Variants in TTC6 observed in about 807,000 individuals in gnomAD.
The protein encoded by TTC6 is tetratricopeptide repeat domain 6.
A neutral mutation model predicts 210.4 loss-of-function variants in TTC6; 172 were observed. The observed-to-expected ratio is 0.82, with a 90% CI of 0.72 to 0.93. TTC6 has a LOEUF of 0.93. TTC6 is among the 40% of genes least tolerant of loss of function. The pLI is 0.00. For missense variants in TTC6, 2,414 were observed against 2,318.1 expected (o/e 1.04, Z -0.85); for synonymous variants, 804 against 819.6 (o/e 0.98, Z 0.32).
chr14:37,794,546 T>G (rs953294102), intron 17 of TTC6, among the ~76,000 whole-genome samples: 6 of 150,820 alleles, frequency 4.0e-5, no homozygotes, highest in Non-Finnish European at 7.3e-5. Context: ...CGACCAGTAT[T>G]AAGGGAATAA....
At chr14:37,810,041 G>A (rs900566177) in intron 24 of TTC6, among the ~76,000 whole-genome samples, 1 of 152,196 alleles carries the variant, frequency 6.6e-6, no homozygotes, top group Non-Finnish European at 1.5e-5. Context: ...AAAACATTTA[G>A]TAATTTAGAA....
chr14:37,837,838 C>T (rs1310160543), intron 29 of TTC6, among the ~76,000 whole-genome samples: 2 of 152,158 alleles, frequency 1.3e-5, no homozygotes, highest in Non-Finnish European at 2.9e-5. Flanking sequence ...CCATATCACC[C>T]ATGATGGAAG....
intron 29 of TTC6, among the ~76,000 whole-genome samples, chr14:37,834,256 A>G (rs913089147): frequency 5.6e-5 from 8 of 143,462 alleles, no homozygotes; most frequent in Non-Finnish European, 1.1e-4. Context: ...CTTTTCAGTT[A>G]TTATTTTACT....
At chr14:37,795,232 T>A in intron 17 of TTC6, 38 bp from the exon 20 acceptor site, 1 of 1,388,328 alleles carries the variant, frequency 7.2e-7, no homozygotes, top group Non-Finnish European at 9.8e-7. Flanking sequence ...AAGCAATCGA[T>A]GTTATTAGGA....
intron 14 of TTC6, among the ~76,000 whole-genome samples, chr14:37,777,980 C>T (rs1262448240): frequency 6.6e-6 from 1 of 152,102 alleles, no homozygotes; most frequent in Non-Finnish European, 1.5e-5. Context: ...AGTTGGGAAC[C>T]TGCTGTGCTG....
intron 29 of TTC6, among the ~76,000 whole-genome samples, chr14:37,840,334 T>C (rs1049938968): frequency 4.6e-5 from 7 of 152,256 alleles, no homozygotes; most frequent in African/African-American, 1.7e-4. Context: ...GTGCTGAAAT[T>C]GAGGCAGTAA....
chr14:37,612,495 A>G (rs1365874557), intron 2 of TTC6, among the ~76,000 whole-genome samples: 2 of 152,202 alleles, frequency 1.3e-5, no homozygotes. Context: ...GAATTTATGT[A>G]TACATTTTAG....
chr14:37,623,640 C>T (rs533713227), intron 1 of TTC6, among the ~76,000 whole-genome samples: 2 of 152,248 alleles, frequency 1.3e-5, no homozygotes, highest in South Asian at 4.2e-4. Flanking sequence ...TCCTGTCTGA[C>T]GTGGAGGCCT....
At chr14:37,775,746 T>C (rs991689811) in intron 14 of TTC6, among the ~76,000 whole-genome samples, 2 of 152,174 alleles carry the variant, frequency 1.3e-5, no homozygotes, top group African/African-American at 4.8e-5. Context: ...TATCTTGTGG[T>C]TATCTAAGTC....
intron 2 of TTC6, 39 bp from the exon 5 acceptor site, chr14:37,682,719 A>T (rs542766969): frequency 1.3e-5 from 18 of 1,407,990 alleles, no homozygotes; most frequent in Middle Eastern, 1.8e-4. Flanking sequence ...AAGGACCAAT[A>T]AAAAAAAAGC....
intron 1 of TTC6, among the ~76,000 whole-genome samples, chr14:37,677,558 T>C (rs2095772884): frequency 6.6e-6 from 1 of 152,076 alleles, no homozygotes; most frequent in South Asian, 2.1e-4. Flanking sequence ...GTGTTCTTTG[T>C]GTGTTTCTGC....
intron 26 of TTC6, among the ~76,000 whole-genome samples, chr14:37,818,103 T>C (rs1368067091): frequency 6.6e-6 from 1 of 152,140 alleles, no homozygotes. Context: ...TAATTTTGCA[T>C]TTAAAAACGT....
intron 16 of TTC6, among the ~76,000 whole-genome samples, chr14:37,791,734 G>T (rs1166729429): frequency 6.6e-6 from 1 of 152,128 alleles, no homozygotes; most frequent in Non-Finnish European, 1.5e-5. Flanking sequence ...TGAAATAGAG[G>T]CATCAAACAT....
At chr14:37,694,602 A>T (rs559361331) in intron 3 of TTC6, among the ~76,000 whole-genome samples, 16 of 152,306 alleles carry the variant, frequency 1.1e-4, no homozygotes, top group Admixed American at 3.9e-4. Flanking sequence ...GGAAATCAGT[A>T]TGTCAAAGGG....
intron 17 of TTC6, among the ~76,000 whole-genome samples, chr14:37,793,473 A>G (rs2139348424): frequency 6.6e-6 from 1 of 152,312 alleles, no homozygotes; most frequent in South Asian, 2.1e-4. Flanking sequence ...TCCATTATCT[A>G]CATCTCAGGA....
At chr14:37,646,832 C>T (rs1039242364) in intron 1 of TTC6, among the ~76,000 whole-genome samples, 23 of 152,108 alleles carry the variant, frequency 1.5e-4, no homozygotes, top group Non-Finnish European at 2.8e-4. Context: ...ATAGTTGCTA[C>T]GATTTACACA....
intron 1 of TTC6, among the ~76,000 whole-genome samples, chr14:37,644,994 A>G (rs148452308): frequency 6.6e-6 from 1 of 152,334 alleles, no homozygotes; most frequent in African/African-American, 2.4e-5. Flanking sequence ...ATATAAGACA[A>G]TACATGTTAA....
At chr14:37,701,456 G>A (rs1395484872) in exon 5 of TTC6, 6 of 1,527,238 alleles carry the variant, frequency 3.9e-6, no homozygotes, top group East Asian at 2.5e-5. Context: ...GAAAGGCCAC[G>A]ATACCCTGCT....
intron 29 of TTC6, among the ~76,000 whole-genome samples, chr14:37,828,169 T>C (rs369722976): frequency 1.3e-5 from 2 of 152,120 alleles, no homozygotes; most frequent in East Asian, 3.8e-4. Flanking sequence ...TCATAATGTC[T>C]GAAACAAAAA....
Sources: gnomAD v4.1 joint callset for allele counts (sites outside exome capture counted in the v4.1 genomes callset) on GRCh38, gnomAD v4.1.1 for gene constraint, MANE v1.5 for transcripts, NCBI Gene and HGNC (gene_info 2026-07-23, HGNC 2026-07-21) for gene names.